Variants in FAM193A observed in about 807,000 individuals in gnomAD.
The protein encoded by FAM193A is protein FAM193A.
A neutral mutation model predicts 126.5 loss-of-function variants in FAM193A; 22 were observed. The observed-to-expected ratio is 0.17, with a 90% CI of 0.12 to 0.25. FAM193A has a LOEUF of 0.25. Among genes scored for constraint, FAM193A ranks in the 10% least tolerant of loss-of-function variants. The pLI is 1.00. For missense variants in FAM193A, 1,675 were observed against 1,672.8 expected, an observed-to-expected ratio of 1.00 and a Z score of -0.02; for synonymous variants, 761 against 646.8, an observed-to-expected ratio of 1.18 and a Z score of -2.68.
At chr4:2,554,491 G>A (rs1738140261) in intron 1 of FAM193A, among the ~76,000 whole-genome samples, 1 of 151,970 alleles carries the variant, frequency 6.6e-6, no homozygotes, top group African/African-American at 2.4e-5. Flanking sequence ...AGGTTTTATG[G>A]TCTGTTTTGG....
rs2109119043 is a variant in FAM193A, at chr4:2,663,015, C to CCATAAATGACGT, written c.1899+24_1899+25insCATAAATGACGT. On this transcript the variant is annotated intron_variant, in intron 11 of 20. Transcript: ENST00000637812. ...AGGTATGGACATGGCTTCTTCGTAG[C>CCATAAATGACGT]AACAATAAATGACATAAAATGATGG... The CCATAAATGACGT allele has an allele frequency of 4.4e-6, 7 of 1,599,884 alleles. No homozygotes were observed. The East Asian group carries it at 1.6e-4, about 36-fold the overall frequency.
intron 1 of FAM193A, among the ~76,000 whole-genome samples, chr4:2,581,767 C>G (rs1739954195): frequency 6.6e-6 from 1 of 152,022 alleles, no homozygotes; most frequent in Non-Finnish European, 1.5e-5. Context: ...CATTCTCCCG[C>G]CTCAGCCTCC....
intron 17 of FAM193A, 38 bp from the exon 18 acceptor site, chr4:2,696,324 AT>A (rs1717030488): frequency 7.0e-7 from 1 of 1,431,572 alleles, no homozygotes; most frequent in South Asian, 1.2e-5. Flanking sequence ...TATATTCAAA[AT>A]TTTTAAAACT....
At chr4:2,620,280 G>A (rs1742462459) in intron 2 of FAM193A, among the ~76,000 whole-genome samples, 2 of 152,124 alleles carry the variant, frequency 1.3e-5, no homozygotes, top group Non-Finnish European at 2.9e-5. Context: ...GCTTTCCCAA[G>A]TTCTTGATTG....
intron 7 of FAM193A, among the ~76,000 whole-genome samples, chr4:2,653,481 G>C (rs918504270): frequency 6.6e-6 from 1 of 152,014 alleles, no homozygotes; most frequent in Non-Finnish European, 1.5e-5. Context: ...GTCTCTCTCT[G>C]TCACCAGGCT....
chr4:2,549,473 T>C (rs1190778509), intron 1 of FAM193A, among the ~76,000 whole-genome samples: 1 of 137,362 alleles, frequency 7.3e-6, no homozygotes, highest in Non-Finnish European at 1.6e-5. Context: ...CTCGGCTCAC[T>C]GCAAGCTCCG....
At chr4:2,712,543 T>C (rs923238452) in intron 19 of FAM193A, among the ~76,000 whole-genome samples, 6 of 152,212 alleles carry the variant, frequency 3.9e-5, no homozygotes, top group Non-Finnish European at 8.8e-5. Context: ...GAGACAGCCT[T>C]GTCCTTGGCC....
At chr4:2,709,976 C>T (rs543468991) in intron 19 of FAM193A, among the ~76,000 whole-genome samples, 2 of 152,218 alleles carry the variant, frequency 1.3e-5, no homozygotes, top group Admixed American at 6.6e-5. Flanking sequence ...AATTTATTTG[C>T]ATAGATGTCT....
At chr4:2,716,651 A>G (rs913612403) in intron 20 of FAM193A, among the ~76,000 whole-genome samples, 2 of 152,138 alleles carry the variant, frequency 1.3e-5, no homozygotes, top group Non-Finnish European at 2.9e-5. Context: ...TTTAACTACT[A>G]TGTGAATTAT....
At chr4:2,602,353 C>CTTTTTTTTT (rs35168097) in intron 2 of FAM193A, among the ~76,000 whole-genome samples, 1 of 128,564 alleles carries the variant, frequency 7.8e-6, no homozygotes, top group African/African-American at 2.9e-5. Flanking sequence ...ATGTTCTGTT[C>CTTTTTTTTT]TTTTTTTTTT....
In FAM193A at chr4:2,700,245, C is replaced by A. The variant is rs756405652; in HGVS notation, c.4073C>A (p.Pro1358His). The A allele has an allele frequency of 4.3e-6, 7 of 1,613,926 alleles. No homozygotes were observed. Among genetic ancestry groups the A allele is most frequent in the Non-Finnish European group, 5.1e-6 (6 of 1,180,028 alleles). The change falls in exon 19 of 21, where the codon CCC (proline) becomes CAC (histidine). Residue 1358 changes from proline (P) to histidine (H), a missense_variant. By Grantham distance (77) the Pro-to-His change is moderately conservative. Coordinates refer to ENST00000637812, the MANE Select transcript of FAM193A (RefSeq NM_001366318.2). Reference sequence around the variant, plus strand: ...CCAGCGAGGAGGCCCACAGAGCCCCCCAAGGCCACAGAGGGGCAGTCCAAG... The same window carrying A: ...CCAGCGAGGAGGCCCACAGAGCCCCACAAGGCCACAGAGGGGCAGTCCAAG... The part of the protein sequence containing the change: ...SEPARRPTEP[P>H]KATEGQSKPR...
intron 2 of FAM193A, among the ~76,000 whole-genome samples, chr4:2,611,406 C>T (rs1244627477): frequency 2.0e-5 from 3 of 151,984 alleles, no homozygotes; most frequent in Non-Finnish European, 2.9e-5. Context: ...GTAGCTGGGA[C>T]TACAGGCGCC....
At chr4:2,699,584 T>G in intron 18 of FAM193A, 96 bp from the exon 19 acceptor site, 1 of 1,203,016 alleles carries the variant, frequency 8.3e-7, no homozygotes, top group Non-Finnish European at 1.2e-6. Context: ...TTATGTTCCA[T>G]ATGTGATTCG....
chr4:2,694,441 G>A (rs149097242), intron 16 of FAM193A, among the ~76,000 whole-genome samples: 2,604 of 151,880 alleles, frequency 0.017, 57 homozygotes, highest in African/African-American at 0.05. Context: ...GCTAATTTTT[G>A]TATTTTTAGT....
chr4:2,587,600 G>T (rs1365195169), intron 1 of FAM193A, among the ~76,000 whole-genome samples: 1 of 152,190 alleles, frequency 6.6e-6, no homozygotes, highest in Non-Finnish European at 1.5e-5. Flanking sequence ...ACTGAGGCAG[G>T]AGGATCACTT....
chr4:2,564,148 C>A (rs1213679709), intron 1 of FAM193A, among the ~76,000 whole-genome samples: 2 of 152,068 alleles, frequency 1.3e-5, no homozygotes, highest in African/African-American at 2.4e-5. Context: ...GTGGCGTGAT[C>A]ATGGCTCACT....
At chr4:2,584,453 A>G (rs80126598) in intron 1 of FAM193A, among the ~76,000 whole-genome samples, 4,439 of 151,338 alleles carry the variant, frequency 0.029, 232 homozygotes, top group African/African-American at 0.1. Flanking sequence ...ACCCATCTCT[A>G]AAGAATATTT....
At chr4:2,589,018 T>C (rs1740381302) in intron 1 of FAM193A, among the ~76,000 whole-genome samples, 3 of 152,342 alleles carry the variant, frequency 2.0e-5, no homozygotes, top group South Asian at 2.1e-4. Context: ...TTTGTAGATA[T>C]TTGTGCTGTC....
chr4:2,638,725 A>G (rs1206356825), intron 5 of FAM193A, among the ~76,000 whole-genome samples: 1 of 152,278 alleles, frequency 6.6e-6, no homozygotes, highest in South Asian at 2.1e-4. Context: ...TTCAATCATT[A>G]TAATCATTAT....
Sources: allele counts gnomAD v4.1 joint callset (sites outside exome capture counted in the v4.1 genomes callset), GRCh38; gene constraint gnomAD v4.1.1; transcripts MANE v1.5; gene names NCBI Gene and HGNC (gene_info 2026-07-23, HGNC 2026-07-21).